Variants in PTPRT observed in about 807,000 individuals in gnomAD.
The protein encoded by PTPRT is receptor-type tyrosine-protein phosphatase T.
In PTPRT, 56 loss-of-function variants were observed where a neutral mutation model predicts 176.8. That is an observed-to-expected ratio of 0.32 (90% CI 0.26 to 0.40). The LOEUF (loss-of-function observed/expected upper bound fraction) is 0.40, where lower values mean the gene tolerates loss of function less well. PTPRT is among the 10% of genes least tolerant of loss of function. The pLI, the probability that PTPRT is intolerant of heterozygous loss-of-function variation, is 1.00. For missense variants in PTPRT, 1,540 were observed against 1,908.2 expected, an observed-to-expected ratio of 0.81 and a Z score of 3.60; for synonymous variants, 783 against 739.0, an observed-to-expected ratio of 1.06 and a Z score of -0.96.
chr20:42,680,399 G>A (rs1441896472), intron 6 of PTPRT, among the ~76,000 whole-genome samples: 2 of 152,198 alleles, frequency 1.3e-5, no homozygotes, highest in Non-Finnish European at 2.9e-5. Context: ...AAAGGTGTTT[G>A]CAAATTGATT....
intron 14 of PTPRT, among the ~76,000 whole-genome samples, chr20:42,240,746 C>T (rs1212360353): frequency 3.9e-5 from 6 of 152,046 alleles, no homozygotes; most frequent in African/African-American, 1.4e-4. Context: ...CACCCATCAT[C>T]CATTTATCCA....
chr20:42,585,011 T>G (rs1278234656), intron 7 of PTPRT, among the ~76,000 whole-genome samples: 2 of 152,084 alleles, frequency 1.3e-5, no homozygotes, highest in Non-Finnish European at 2.9e-5. Flanking sequence ...TGTGTAAGAG[T>G]GCTAATTTCC....
intron 1 of PTPRT, among the ~76,000 whole-genome samples, chr20:43,060,023 TG>T (rs969304088): frequency 6.8e-4 from 104 of 152,184 alleles, no homozygotes; most frequent in African/African-American, 2.5e-3. Context: ...ATTTTATTTT[TG>T]TTATTATTAT....
At chr20:42,490,323 G>A (rs2071539901) in intron 7 of PTPRT, among the ~76,000 whole-genome samples, 1 of 151,990 alleles carries the variant, frequency 6.6e-6, no homozygotes, top group Non-Finnish European at 1.5e-5. Context: ...AAATTCAGGG[G>A]GGATTTTCAC....
At chr20:42,624,448 C>T (rs1352593684) in intron 7 of PTPRT, among the ~76,000 whole-genome samples, 1 of 152,108 alleles carries the variant, frequency 6.6e-6, no homozygotes, top group East Asian at 1.9e-4. Flanking sequence ...TTGAAAGTAG[C>T]CCAATGCATT....
intron 7 of PTPRT, among the ~76,000 whole-genome samples, chr20:42,567,557 A>G (rs550210312): frequency 1.3e-5 from 2 of 152,314 alleles, no homozygotes; most frequent in South Asian, 2.1e-4. Flanking sequence ...CCTATTTCCC[A>G]AGCCACATTG....
At chr20:43,138,553 G>A (rs2013906137) in intron 1 of PTPRT, among the ~76,000 whole-genome samples, 1 of 152,186 alleles carries the variant, frequency 6.6e-6, no homozygotes. Context: ...TTTGTACCGG[G>A]CACAGGTGGG....
intron 27 of PTPRT, among the ~76,000 whole-genome samples, chr20:42,096,733 G>T (rs1985276083): frequency 2.0e-5 from 3 of 151,522 alleles, no homozygotes; most frequent in Admixed American, 1.3e-4. Flanking sequence ...ATAGACACAT[G>T]GCACCATGCC....
chr20:42,696,459 T>TTTTA (rs1555900877), intron 6 of PTPRT, among the ~76,000 whole-genome samples: 33,748 of 133,054 alleles, frequency 0.25, 3,856 homozygotes, highest in African/African-American at 0.4. Flanking sequence ...ACATGAATTA[T>TTTTA]TTTTTTTTTT....
intron 9 of PTPRT, among the ~76,000 whole-genome samples, chr20:42,409,353 G>A (rs868361349): frequency 2.6e-5 from 4 of 151,418 alleles, no homozygotes; most frequent in Non-Finnish European, 5.9e-5. Flanking sequence ...ATGGTGTCTC[G>A]CGCCTGTAGT....
intron 9 of PTPRT, among the ~76,000 whole-genome samples, chr20:42,367,203 A>G (rs1279472819): frequency 6.6e-6 from 1 of 152,210 alleles, no homozygotes; most frequent in African/African-American, 2.4e-5. Context: ...GTGACCTTCA[A>G]TAATATTCGA....
chr20:42,460,229 G>A (rs959496249), intron 8 of PTPRT, among the ~76,000 whole-genome samples: 35 of 152,286 alleles, frequency 2.3e-4, no homozygotes, highest in African/African-American at 8.2e-4. Context: ...TTTTAAAGCC[G>A]GGAGACTAGA....
intron 7 of PTPRT, among the ~76,000 whole-genome samples, chr20:42,641,170 A>T (rs1203048769): frequency 1.3e-5 from 2 of 152,164 alleles, no homozygotes; most frequent in Admixed American, 1.3e-4. Context: ...ATTCTTTAGG[A>T]TAATTTCTCC....
At chr20:42,433,364 G>A (rs1194960374) in intron 9 of PTPRT, among the ~76,000 whole-genome samples, 2 of 152,140 alleles carry the variant, frequency 1.3e-5, no homozygotes, top group Admixed American at 6.5e-5. Flanking sequence ...ATGAGTGAGG[G>A]CAGAGCTTCA....
intron 7 of PTPRT, among the ~76,000 whole-genome samples, chr20:42,609,520 G>C (rs762112208): frequency 6.6e-6 from 1 of 152,214 alleles, no homozygotes; most frequent in Non-Finnish European, 1.5e-5. Context: ...TGTCTGCTAA[G>C]TGTCACAGCC....
In PTPRT at chr20:42,678,043, C is replaced by T. The variant is rs2146067304; in HGVS notation, c.976G>A (p.Glu326Lys). The T allele has an allele frequency of 6.2e-7, 1 of 1,614,150 alleles. No individual in the cohort carries two copies. The highest frequency in any genetic ancestry group is 8.5e-7 in the Non-Finnish European group (1 of 1,180,034). Residue 326 changes from glutamate (E) to lysine (K), a missense_variant, in exon 7 of 31, where the codon GAA becomes AAA. Glu to Lys is a moderately conservative substitution (Grantham distance 56). Transcript: ENST00000373187. ...CACGTGCCTGTGGTGGTGCGATATT[C>T]CACTTCCTTCAGGATGATGGGGCCA... is the stretch of plus-strand genomic sequence containing the variant. ...GDGPIILKEV[E>K]YRTTTGTWAE... is the part of the protein sequence containing the mutation.
chr20:42,599,023 G>A (rs182268770), intron 7 of PTPRT, among the ~76,000 whole-genome samples: 90 of 152,306 alleles, frequency 5.9e-4, no homozygotes, highest in Non-Finnish European at 9.1e-4. Flanking sequence ...ATGGAGTTGA[G>A]GGAGCAAACT....
At chr20:43,043,942 C>T (rs1008005200) in intron 1 of PTPRT, among the ~76,000 whole-genome samples, 3 of 152,050 alleles carry the variant, frequency 2.0e-5, no homozygotes, top group Non-Finnish European at 4.4e-5. Flanking sequence ...CTTATCCCAC[C>T]ACAGAGAACA....
chr20:42,454,970 G>C (rs1217484331), intron 8 of PTPRT, among the ~76,000 whole-genome samples: 5 of 152,196 alleles, frequency 3.3e-5, no homozygotes, highest in Non-Finnish European at 7.3e-5. Flanking sequence ...AGCAATGAAA[G>C]ACAGGAAGTT....
Sources: allele counts gnomAD v4.1 joint callset (sites outside exome capture counted in the v4.1 genomes callset), GRCh38; gene constraint gnomAD v4.1.1; transcripts MANE v1.5; gene names NCBI Gene and HGNC (gene_info 2026-07-23, HGNC 2026-07-21).